The following IGF2BP1 variants were observed in gnomAD, a reference collection of about 807,000 sequenced individuals.
The protein encoded by IGF2BP1 is insulin like growth factor 2 mRNA binding protein 1, also known as insulin-like growth factor 2 mRNA-binding protein 1.
In IGF2BP1, 11 loss-of-function variants were observed where a neutral mutation model predicts 74.9. That is an observed-to-expected ratio of 0.15 (90% CI 0.09 to 0.24). The LOEUF (loss-of-function observed/expected upper bound fraction) is 0.24. Among genes scored for constraint, IGF2BP1 ranks in the 10% least tolerant of loss-of-function variants. The pLI is 1.00. For synonymous variants in IGF2BP1, 287 were observed against 281.8 expected (o/e 1.02, Z -0.18); for missense variants, 440 against 757.4 (o/e 0.58, Z 4.92).
intron 2 of IGF2BP1, among the ~76,000 whole-genome samples, chr17:49,022,721 C>T (rs1014075001): frequency 1.3e-5 from 2 of 152,190 alleles, no homozygotes; most frequent in Non-Finnish European, 2.9e-5. Context: ...CCACCCTTCT[C>T]CCTTCCCCCA....
chr17:49,047,530 A>G lies in IGF2BP1; in HGVS notation c.1641+1157A>G, dbSNP rs533434240. ...CTTTAATTCAGCGTTTTTTTTTTAA[A>G]GAGAGTAAAGGATACCTCCAAAGAT... is the stretch of plus-strand genomic sequence containing the variant. On this transcript the variant is annotated intron_variant, in intron 14 of 14. Transcript: ENST00000290341. 7.2e-5 allele frequency among the ~76,000 whole-genome samples: 11 copies of G among 152,090 alleles called. No homozygotes were observed. In the East Asian group the frequency reaches 1.7e-3, roughly 24 times the overall value.
intron 11 of IGF2BP1, 145 bp from the exon 12 acceptor site, chr17:49,044,846 G>T: frequency 1.5e-6 from 1 of 678,398 alleles, no homozygotes; most frequent in Non-Finnish European, 2.7e-6. Flanking sequence ...TAATGATGTG[G>T]GCTTCAGGGT....
At chr17:49,011,718 T>G (rs1339740924) in intron 2 of IGF2BP1, among the ~76,000 whole-genome samples, 1 of 151,692 alleles carries the variant, frequency 6.6e-6, no homozygotes, top group Non-Finnish European at 1.5e-5. Context: ...GAACAGGTGA[T>G]CCTCCAATAC....
intron 2 of IGF2BP1, among the ~76,000 whole-genome samples, chr17:49,011,702 C>A (rs896948290): frequency 6.7e-5 from 10 of 150,084 alleles, no homozygotes; most frequent in Admixed American, 2.0e-4. Flanking sequence ...AAAAAAAAAA[C>A]GTTGGGAACA....
rs2042080789 is a variant in IGF2BP1, at chr17:49,043,871, T to C, written c.1201-96T>C. On this transcript the variant is annotated intron_variant, in intron 10 of 14. Coordinates refer to ENST00000290341, the MANE Select transcript of IGF2BP1 (RefSeq NM_006546.4). ...GCCCAGGGTGGCGGTTTGGTGCCTG[T>C]ACTCCTTCCTCCTTGAGGATGCAAG... is the stretch of plus-strand genomic sequence containing the variant. The C allele has an allele frequency of 2.6e-6, 4 of 1,531,294 alleles. No homozygotes were observed. The South Asian group carries it at 3.8e-5, about 15-fold the overall frequency. 94.9% of individuals were successfully genotyped at this position (1,531,294 alleles called of 1,614,324 possible). A position where few individuals can be genotyped will look rare whatever the true frequency, so the allele number is the denominator to read the frequency against.
rs1201792471 is a variant in IGF2BP1 at position 49,055,372 on chromosome 17, T to C, written c.*5928T>C. 2 of 335,848 alleles carry C rather than the reference T, an allele frequency of 6.0e-6. No individual in the cohort carries two copies. Among genetic ancestry groups the C allele is most frequent in the Non-Finnish European group, 1.1e-5 (2 of 186,106 alleles). 20.8% of individuals were successfully genotyped at this position (335,848 alleles called of 1,614,324 possible). On this transcript the variant is annotated 3_prime_UTR_variant, in exon 15 of 15. Transcript: ENST00000290341. ...CCATCCCCCACCCTATTCCTGCCAG[T>C]GAGTCCTTCCTGTGCTTCTCTCCCT...
intron 2 of IGF2BP1, among the ~76,000 whole-genome samples, chr17:48,999,819 C>G (rs993371909): frequency 6.6e-6 from 1 of 151,804 alleles, no homozygotes; most frequent in Non-Finnish European, 1.5e-5. Flanking sequence ...CCCCTACCCC[C>G]ACTCCTTCAG....
chr17:48,999,257 G>A (rs2041454347), intron 2 of IGF2BP1, 88 bp downstream of exon 2: 3 of 809,734 alleles, frequency 3.7e-6, no homozygotes, highest in Non-Finnish European at 6.3e-6. Context: ...GTCTCCAGTG[G>A]AAGAAACCCA....
chr17:49,004,624 T>C (rs1340753877), intron 2 of IGF2BP1: 2 of 152,182 alleles, frequency 1.3e-5, no homozygotes, highest in Non-Finnish European at 2.9e-5. Context: ...ACCGAAACAA[T>C]AACAGAGGCA....
Position 49,044,927 on chromosome 17 carries a change from G to A in IGF2BP1, c.1321-64G>A, listed in dbSNP as rs532221809. 7 of 1,363,990 alleles carry A rather than the reference G, an allele frequency of 5.1e-6. No homozygotes were observed. The East Asian group carries it at 1.6e-4, about 31-fold the overall frequency. The allele number at this position is 1,363,990 out of a possible 1,614,324, so 84.5% of individuals were successfully genotyped here. On this transcript the variant is annotated intron_variant, in intron 11 of 14. Transcript: ENST00000290341. Reference sequence around the variant, plus strand: ...AAGGGTGGTAGAAGGGGAACTGGATGAAGTGGACATGGTGGGGGTCTTCCC... The same window carrying A: ...AAGGGTGGTAGAAGGGGAACTGGATAAAGTGGACATGGTGGGGGTCTTCCC...
intron 14 of IGF2BP1, among the ~76,000 whole-genome samples, chr17:49,046,580 A>C (rs2042109822): frequency 1.3e-5 from 2 of 151,612 alleles, no homozygotes; most frequent in Non-Finnish European, 2.9e-5. Flanking sequence ...CTCTCTAGGA[A>C]AAGTGATTTG....
chr17:49,002,690 T>A (rs1459860421), intron 2 of IGF2BP1, among the ~76,000 whole-genome samples: 1 of 151,652 alleles, frequency 6.6e-6, no homozygotes. Context: ...TTATTAATAT[T>A]AGGTTAGAAT....
intron 4 of IGF2BP1, among the ~76,000 whole-genome samples, chr17:49,028,681 C>T (rs1031143613): frequency 7.5e-4 from 114 of 152,172 alleles, no homozygotes; most frequent in Non-Finnish European, 1.6e-3. Flanking sequence ...ATATCTGCTA[C>T]CTGGAGAGAA....
intron 12 of IGF2BP1, 44 bp from the exon 13 acceptor site, chr17:49,045,846 A>G (rs2144146593): frequency 1.3e-6 from 2 of 1,587,530 alleles, no homozygotes; most frequent in Non-Finnish European, 1.7e-6. Flanking sequence ...CTCTTTTGTC[A>G]CAGATATATG....
chr17:49,020,234 A>C (rs11658600), intron 2 of IGF2BP1, among the ~76,000 whole-genome samples: 1 of 151,712 alleles, frequency 6.6e-6, no homozygotes, highest in East Asian at 1.9e-4. Context: ...AGTAGAGACA[A>C]GGTTTCACCA....
intron 14 of IGF2BP1, among the ~76,000 whole-genome samples, chr17:49,048,849 A>C (rs531902577): frequency 6.6e-6 from 1 of 152,168 alleles, no homozygotes; most frequent in African/African-American, 2.4e-5. Context: ...CCTTATGAGA[A>C]TCTACTGCAT....
At chr17:49,016,825 G>A (rs1436410680) in intron 2 of IGF2BP1, among the ~76,000 whole-genome samples, 1 of 23,474 alleles carries the variant, frequency 4.3e-5, no homozygotes, top group African/African-American at 1.6e-4. Context: ...CTGCCCCCCC[G>A]CCTGTCCTCC....
intron 5 of IGF2BP1, among the ~76,000 whole-genome samples, chr17:49,032,509 A>G (rs2041936204): frequency 6.6e-6 from 1 of 152,140 alleles, no homozygotes; most frequent in Non-Finnish European, 1.5e-5. Flanking sequence ...TGATTGAGCA[A>G]TTATGCGTCT....
At chr17:49,029,872 C>T (rs1048640227) in intron 4 of IGF2BP1, among the ~76,000 whole-genome samples, 3 of 151,454 alleles carry the variant, frequency 2.0e-5, no homozygotes, top group Admixed American at 1.3e-4. Context: ...TTCCTGGCAC[C>T]ACCTTCTGAA....
Sources: gnomAD v4.1 joint callset for allele counts (sites outside exome capture counted in the v4.1 genomes callset) on GRCh38, gnomAD v4.1.1 for gene constraint, MANE v1.5 for transcripts, NCBI Gene and HGNC (gene_info 2026-07-23, HGNC 2026-07-21) for gene names.